Variants in TNPO2 observed in about 807,000 individuals in gnomAD.
TNPO2 encodes the protein transportin-2.
TNPO2 carries 16 observed loss-of-function variants against 111.1 expected under a neutral mutation model. That is an observed-to-expected ratio of 0.14 (90% CI 0.10 to 0.22). TNPO2 has a LOEUF of 0.22. TNPO2 is among the 10% of genes least tolerant of loss of function. The pLI is 1.00. For missense variants in TNPO2, 530 were observed against 1,173.7 expected (o/e 0.45, Z 8.01); for synonymous variants, 481 against 475.8 (o/e 1.01, Z -0.14).
At chr19:12,709,521 T>G (rs2145528971) in intron 13 of TNPO2, among the ~76,000 whole-genome samples, 1 of 152,270 alleles carries the variant, frequency 6.6e-6, no homozygotes, top group African/African-American at 2.4e-5. Context: ...GGTCTCAGTC[T>G]GTTCTCCATG....
At chr19:12,723,158 A>G (rs1967116428) in intron 2 of TNPO2, 91 bp downstream of exon 2, 1 of 152,204 alleles carries the variant, frequency 6.6e-6, no homozygotes, top group Admixed American at 6.6e-5. Context: ...TTTTACAAGG[A>G]GATGAAAAAG....
chr19:12,701,941 G>GTGGGAAGGTGAGCAGCT lies in TNPO2; in HGVS notation c.2412-91_2412-90insAGCTGCTCACCTTCCCA. The GTGGGAAGGTGAGCAGCT allele has an allele frequency of 7.1e-7, 1 of 1,409,196 alleles. No homozygotes were observed. Among genetic ancestry groups the GTGGGAAGGTGAGCAGCT allele is most frequent in the Non-Finnish European group, 1.0e-6 (1 of 995,854 alleles). 87.3% of individuals were successfully genotyped at this position (1,409,196 alleles called of 1,614,324 possible). A position where few individuals can be genotyped will look rare whatever the true frequency, so the allele number is the denominator to read the frequency against. Reference sequence around the variant, plus strand: ...TCACTGGGGATCAGTGAGTGGGCCTGGGACATGCATCTGTGGGGGTGGGGC... The same window carrying GTGGGAAGGTGAGCAGCT: ...TCACTGGGGATCAGTGAGTGGGCCTGTGGGAAGGTGAGCAGCTGGACATGCATCTGTGGGGGTGGGGC... On this transcript the variant is annotated intron_variant, in intron 22 of 25. Transcript: ENST00000425528. This position sits in a 1 kb window ranked among gnomAD's most constrained non-coding sequence, Gnocchi z 5.0.
chr19:12,705,759 G>T lies in TNPO2; in HGVS notation c.1678C>A (p.Gln560Lys). 6.8e-7 allele frequency: 1 copy of T among 1,465,048 alleles called. No individual in the cohort carries two copies. The highest frequency in any genetic ancestry group is 2.4e-5 in the East Asian group (1 of 40,924). The allele number at this position is 1,465,048 out of a possible 1,614,324, so 90.8% of individuals were successfully genotyped here. Reference sequence around the variant, plus strand: ...TGGATCAGTGGGGGCATCAGCTTCTGGATGTATTCCTGGAGAGGGAGCACG... The same window carrying T: ...TGGATCAGTGGGGGCATCAGCTTCTTGATGTATTCCTGGAGAGGGAGCACG... Reference protein sequence around the residue: ...GHHLNQPEYIQKLMPPLIQKW... With the variant: ...GHHLNQPEYIKKLMPPLIQKW... The change falls in exon 16 of 26, where the codon CAG becomes AAG. Residue 560 changes from glutamine to lysine, a missense_variant. By Grantham distance (53) the Gln-to-Lys change is moderately conservative. Coordinates refer to ENST00000425528, the MANE Select transcript of TNPO2 (RefSeq NM_001382241.1). The surrounding 1 kb of genome is among the most constrained non-coding windows in gnomAD (Gnocchi z 7.2).
rs200703313 is a variant in TNPO2 at position 12,715,329 on chromosome 19, C to T, written c.567-5G>A. 1.1e-3 allele frequency: 1,742 copies of T among 1,613,742 alleles called. 23 individuals carry two copies. The African/African-American group carries it at 0.02, about 19-fold the overall frequency. On this transcript the variant is annotated splice_region_variant and splice_polypyrimidine_tract_variant and intron_variant, in intron 7 of 25. Coordinates refer to ENST00000425528, the MANE Select transcript of TNPO2 (RefSeq NM_001382241.1). The surrounding 1 kb of genome is among the most constrained non-coding windows in gnomAD (Gnocchi z 7.1). ...ACGCAGGCGATGGCGTGGGACCTGG[C>T]GGGGAGCAGACACGTGGGTCACCCT... is the stretch of plus-strand genomic sequence containing the variant.
chr19:12,711,802 C>T (rs1197624353), intron 10 of TNPO2, among the ~76,000 whole-genome samples, 189 bp from the exon 11 acceptor site: 1 of 151,872 alleles, frequency 6.6e-6, no homozygotes, highest in Non-Finnish European at 1.5e-5. Flanking sequence ...GGGGAATTAT[C>T]GGAATCTAGT....
In TNPO2 at chr19:12,700,954, C is replaced by T; in HGVS notation, c.*310G>A. 1 of 207,860 alleles carries T rather than the reference C, an allele frequency of 4.8e-6. No individual in the cohort carries two copies. Among genetic ancestry groups the T allele is most frequent in the Non-Finnish European group, 9.8e-6 (1 of 102,172 alleles). The allele number at this position is 207,860 out of a possible 1,614,324, so 12.9% of individuals were successfully genotyped here. Reference sequence around the variant, plus strand: ...GATTCGGTCAGCTGTGTAATTCCTCCCTCCCACGTAGCTGGCCCAAGTGGG... The same window carrying T: ...GATTCGGTCAGCTGTGTAATTCCTCTCTCCCACGTAGCTGGCCCAAGTGGG... On this transcript the variant is annotated 3_prime_UTR_variant, in exon 26 of 26. Transcript: ENST00000425528.
chr19:12,703,592 A>T, intron 19 of TNPO2, 66 bp from the exon 20 acceptor site: 2 of 1,562,760 alleles, frequency 1.3e-6, no homozygotes, highest in Admixed American at 1.7e-5. Flanking sequence ...GACCTAGTCC[A>T]GCAGGCCCCA....
In TNPO2 at chr19:12,702,449, C is replaced by G. The variant is rs2025377365; in HGVS notation, c.2306-272G>C. 2 of 615,866 alleles carry G rather than the reference C, an allele frequency of 3.2e-6. No individual in the cohort carries two copies. Among genetic ancestry groups the G allele is most frequent in the Non-Finnish European group, 6.0e-6 (2 of 334,800 alleles). The allele number at this position is 615,866 out of a possible 1,614,324, so 38.2% of individuals were successfully genotyped here. A position where few individuals can be genotyped will look rare whatever the true frequency, so the allele number is the denominator to read the frequency against. ...TTGCTCTGTTGCCCAGGCTGGAGTG[C>G]AGTGGCATGATCTTGGCTCATTGCA... On this transcript the variant is annotated intron_variant, in intron 21 of 25. Transcript: ENST00000425528. This position sits in a 1 kb window ranked among gnomAD's most constrained non-coding sequence, Gnocchi z 5.5.
chr19:12,716,839 T>TG (rs2026388981), intron 5 of TNPO2, among the ~76,000 whole-genome samples: 1 of 151,964 alleles, frequency 6.6e-6, no homozygotes, highest in African/African-American at 2.4e-5. Flanking sequence ...TCCAGGTTTC[T>TG]GGGGAAAGGG....
In TNPO2 at chr19:12,715,650, C is replaced by T. The variant is rs1179466129; in HGVS notation, c.415G>A (p.Asp139Asn). 2 of 1,613,762 alleles carry T rather than the reference C, an allele frequency of 1.2e-6. No homozygotes were observed. The highest frequency in any genetic ancestry group is 2.2e-5 in the South Asian group (2 of 91,040). The change falls in exon 6 of 26, where the codon GAT becomes AAT. Residue 139 changes from aspartate (D) to asparagine (N), a missense_variant. Transcript: ENST00000425528. This position sits in a 1 kb window ranked among gnomAD's most constrained non-coding sequence, Gnocchi z 7.1. ...TTGCCTACCTCACAAGTGTTGTAATCCTCCGAGTTAAGCAGGTTGCAGAGC... is the reference window on the plus strand; with the variant it reads ...TTGCCTACCTCACAAGTGTTGTAATTCTCCGAGTTAAGCAGGTTGCAGAGC... ...PQLCNLLNSE[D>N]YNTCEGAFGA...
At chr19:12,722,724 T>A (rs949638664) in intron 2 of TNPO2, among the ~76,000 whole-genome samples, 1 of 152,102 alleles carries the variant, frequency 6.6e-6, no homozygotes, top group Non-Finnish European at 1.5e-5. Flanking sequence ...AAACCCGGGC[T>A]GAGACAAGGT....
At position 12,715,420 on chromosome 19, in the gene TNPO2, C is replaced by A; in HGVS notation, c.551G>T (p.Cys184Phe). The stretch of plus-strand genomic sequence containing the variant: ...CTGCACCCACCGGATCTTGGGACTG[C>A]AGTGCTTGAAGAACTGCAGGAACTT... ...IPKFLQFFKH[C>F]SPKIRSHAIA... Residue 184 changes from cysteine to phenylalanine, a missense_variant, in exon 7 of 26, where the codon TGC becomes TTC. By Grantham distance (205) the Cys-to-Phe change is radical (BLOSUM62 -2). This residue lies in a region of TNPO2 where 156 missense variants were observed against 405.8 expected (regional missense o/e 0.38). Transcript: ENST00000425528. The surrounding 1 kb of genome is among the most constrained non-coding windows in gnomAD (Gnocchi z 7.1). 1.2e-6 allele frequency: 2 copies of A among 1,613,926 alleles called. No individual in the cohort carries two copies. Among genetic ancestry groups the A allele is most frequent in the Non-Finnish European group, 1.7e-6 (2 of 1,179,878 alleles).
intron 5 of TNPO2, among the ~76,000 whole-genome samples, chr19:12,718,776 C>A (rs2026506145): frequency 6.6e-6 from 1 of 152,204 alleles, no homozygotes; most frequent in African/African-American, 2.4e-5. Flanking sequence ...GTCTCAGAGC[C>A]AAGAAGGACT....
intron 10 of TNPO2, among the ~76,000 whole-genome samples, chr19:12,713,106 T>A (rs940494055): frequency 2.6e-5 from 4 of 152,146 alleles, no homozygotes; most frequent in African/African-American, 9.7e-5. Flanking sequence ...GACCCCTGAA[T>A]ACACTGAAAA....
At position 12,702,980 on chromosome 19, in the gene TNPO2, GC is replaced by G; in HGVS notation, c.2210-63del. 1 of 1,473,698 alleles carries G rather than the reference GC, an allele frequency of 6.8e-7. No individual in the cohort carries two copies. Among genetic ancestry groups the G allele is most frequent in the Non-Finnish European group, 9.4e-7 (1 of 1,060,148 alleles). The allele number at this position is 1,473,698 out of a possible 1,614,324, so 91.3% of individuals were successfully genotyped here. A position where few individuals can be genotyped will look rare whatever the true frequency, so the allele number is the denominator to read the frequency against. On this transcript the variant is annotated intron_variant, in intron 20 of 25. Coordinates refer to ENST00000425528, the MANE Select transcript of TNPO2 (RefSeq NM_001382241.1). This position sits in a 1 kb window ranked among gnomAD's most constrained non-coding sequence, Gnocchi z 5.5. The stretch of plus-strand genomic sequence containing the variant: ...CGCCACCCACAGGGGCCAGGGGGCC[GC>G]CCCACCTCACTCACTACTCGCCCCA...
rs1325622764 is a variant in TNPO2 at position 12,721,126 on chromosome 19, C to A, written c.-13-136G>T. The A allele has an allele frequency of 4.0e-6, 6 of 1,491,634 alleles. No homozygotes were observed. In the Admixed American group the frequency reaches 1.4e-4, roughly 34 times the overall value. 92.4% of individuals were successfully genotyped at this position (1,491,634 alleles called of 1,614,324 possible). On this transcript the variant is annotated intron_variant, in intron 2 of 25. Transcript: ENST00000425528. The surrounding 1 kb of genome is among the most constrained non-coding windows in gnomAD (Gnocchi z 4.9). ...GACAGGCGGAGGCCTCCGATCCACG[C>A]CCGCCCAAGTGCGGGGTCCCCGCCA...
chr19:12,714,714 G>A, intron 10 of TNPO2, 107 bp downstream of exon 10: 1 of 878,932 alleles, frequency 1.1e-6, no homozygotes. Context: ...AATGTAAACT[G>A]ACAAGGATGT....
In TNPO2 at chr19:12,715,883, T is replaced by C; in HGVS notation, c.326-144A>G. ...CATCCCCCCTCCTTTTTTTTTTCTT[T>C]GTAAGAGATAGAATTAGCTCTGTTG... On this transcript the variant is annotated intron_variant, in intron 5 of 25. Transcript: ENST00000425528. The surrounding 1 kb of genome is among the most constrained non-coding windows in gnomAD (Gnocchi z 7.1). 1 of 655,102 alleles carries C rather than the reference T, an allele frequency of 1.5e-6. No individual in the cohort carries two copies. Among genetic ancestry groups the C allele is most frequent in the South Asian group, 1.9e-5 (1 of 52,184 alleles). 40.6% of individuals were successfully genotyped at this position (655,102 alleles called of 1,614,324 possible).
chr19:12,721,233 C>T lies in TNPO2; in HGVS notation c.-13-243G>A. ...GGAAACGGGCCACAGGCGGCGGCGG[C>T]GGGGCCCGGCGGATCCTCATGGGAC... On this transcript the variant is annotated intron_variant, in intron 2 of 25. Transcript: ENST00000425528. This position sits in a 1 kb window ranked among gnomAD's most constrained non-coding sequence, Gnocchi z 4.9. 1.6e-6 allele frequency: 2 copies of T among 1,281,016 alleles called. No individual in the cohort carries two copies. Among genetic ancestry groups the T allele is most frequent in the Non-Finnish European group, 2.0e-6 (2 of 1,010,812 alleles). The allele number at this position is 1,281,016 out of a possible 1,614,324, so 79.4% of individuals were successfully genotyped here.
Sources: gnomAD v4.1 joint callset for allele counts (sites outside exome capture counted in the v4.1 genomes callset) on GRCh38, gnomAD v4.1.1 for gene constraint, gnomAD v4.1.1 regional missense constraint, Gnocchi (gnomAD v3.1) non-coding constraint, MANE v1.5 for transcripts, NCBI Gene and HGNC (gene_info 2026-07-23, HGNC 2026-07-21) for gene names.